PAK1: variants seen among roughly 807,000 people sequenced by gnomAD.
The protein encoded by PAK1 is p21 (RAC1) activated kinase 1, also known as serine/threonine-protein kinase PAK 1.
Under a neutral mutation model 67.4 loss-of-function variants are expected in PAK1, and 29 were observed. The observed-to-expected ratio is 0.43, with a 90% CI of 0.32 to 0.59. The LOEUF is 0.59. PAK1 is among the 20% of genes least tolerant of loss of function. PAK1 has a pLI of 0.07. For synonymous variants in PAK1, 223 were observed against 237.4 expected (o/e 0.94, Z 0.56); for missense variants, 337 against 670.7 (o/e 0.50, Z 5.50).
rs551587045 is a variant in PAK1, at chr11:77,387,702, T to C, written c.190+4629A>G. Among the ~76,000 whole-genome samples the C allele has an allele frequency of 5.3e-5, 8 of 152,332 alleles. No homozygotes were observed. The East Asian group carries it at 7.7e-4, about 15-fold the overall frequency. On this transcript the variant is annotated intron_variant, in intron 2 of 14. Transcript: ENST00000356341. ...TCAAATGACAAAAGCCTACTAATGA[T>C]ATAGGATGAATGGGAAGTGAGGATA...
At chr11:77,323,652 G>T (rs1938923689) in intron 14 of PAK1, among the ~76,000 whole-genome samples, 1 of 152,136 alleles carries the variant, frequency 6.6e-6, no homozygotes, top group African/African-American at 2.4e-5. Context: ...GTTCATAAAA[G>T]ATTTGCTTAT....
At chr11:77,420,066 A>C (rs1299223927) in intron 1 of PAK1, among the ~76,000 whole-genome samples, 2 of 152,232 alleles carry the variant, frequency 1.3e-5, no homozygotes, top group African/African-American at 4.8e-5. Context: ...ATTTCAAAAA[A>C]GGCAAAGAAG....
intron 1 of PAK1, among the ~76,000 whole-genome samples, chr11:77,437,984 C>T (rs1325813885): frequency 6.6e-6 from 1 of 152,122 alleles, no homozygotes; most frequent in African/African-American, 2.4e-5. Flanking sequence ...GTCTCAGGTA[C>T]CTCACAAGCA....
the PAK1 span, among the ~76,000 whole-genome samples, chr11:77,485,255 C>A: frequency 6.6e-6 from 1 of 152,070 alleles, no homozygotes; most frequent in Non-Finnish European, 1.5e-5. Context: ...GTATTTGATA[C>A]CACAACAGGG....
chr11:77,330,102 G>A (rs941518502), intron 14 of PAK1, among the ~76,000 whole-genome samples: 1 of 152,096 alleles, frequency 6.6e-6, no homozygotes, highest in Non-Finnish European at 1.5e-5. Flanking sequence ...TCTTCAAGGA[G>A]AACTACAAAC....
chr11:77,480,315 A>T, the PAK1 span, among the ~76,000 whole-genome samples: 1 of 152,028 alleles, frequency 6.6e-6, no homozygotes, highest in African/African-American at 2.4e-5. Flanking sequence ...TACTTTAATG[A>T]GTATAAAGTA....
intron 14 of PAK1, among the ~76,000 whole-genome samples, chr11:77,331,796 A>G (rs1941595545): frequency 6.7e-6 from 1 of 148,444 alleles, no homozygotes; most frequent in Non-Finnish European, 1.5e-5. Context: ...TAATAATAAA[A>G]TGTAAAAAAA....
intron 1 of PAK1, among the ~76,000 whole-genome samples, chr11:77,447,073 A>C (rs1272991754): frequency 6.6e-6 from 1 of 152,228 alleles, no homozygotes; most frequent in African/African-American, 2.4e-5. Flanking sequence ...AAAACCACAC[A>C]GAGATAAGAA....
chr11:77,364,351 G>T (rs1565619263), intron 5 of PAK1, among the ~76,000 whole-genome samples: 1 of 152,202 alleles, frequency 6.6e-6, no homozygotes, highest in Non-Finnish European at 1.5e-5. Flanking sequence ...AGCACCATCT[G>T]TGTCAAATCA....
the PAK1 span, among the ~76,000 whole-genome samples, chr11:77,484,466 A>G: frequency 0.25 from 38,354 of 152,200 alleles, 5,891 homozygotes; most frequent in South Asian, 0.4. Context: ...CCTCTACTAC[A>G]GAGACTGGAA....
intron 1 of PAK1, among the ~76,000 whole-genome samples, chr11:77,410,781 G>A (rs572961876): frequency 1.3e-5 from 2 of 152,084 alleles, no homozygotes; most frequent in Admixed American, 6.5e-5. Flanking sequence ...AAACTAGGGG[G>A]AGGAAAGAGG....
intron 1 of PAK1, among the ~76,000 whole-genome samples, chr11:77,392,890 T>A (rs190064064): frequency 4.3e-4 from 65 of 152,332 alleles, no homozygotes; most frequent in Non-Finnish European, 5.9e-5. Flanking sequence ...TTCTTCAACC[T>A]CTTAGGTTTC....
At chr11:77,411,200 G>GGGGA (rs1954468583) in intron 1 of PAK1, among the ~76,000 whole-genome samples, 1 of 151,838 alleles carries the variant, frequency 6.6e-6, no homozygotes, top group Admixed American at 6.6e-5. Context: ...CAGTGTTGAG[G>GGGGA]GGGACATCTC....
In PAK1 at chr11:77,332,814, C is replaced by T. The variant is rs1591695541; in HGVS notation, c.1467G>A (p.Lys489=). The change falls in exon 14 of 15, where the codon AAG becomes AAA. Residue 489 remains lysine, a synonymous_variant. Coordinates refer to ENST00000356341, the MANE Select transcript of PAK1 (RefSeq NM_002576.5). The stretch of plus-strand genomic sequence containing the variant: ...GAAAGTCCCGGAAGATAGCTGACAG[C>T]TTCTCTGGGTTCTGAAGTTCTGGGG... The part of the protein sequence containing the change: ...NGTPELQNPE[K]LSAIFRDFLN... 1 of 1,613,380 alleles carries T rather than the reference C, an allele frequency of 6.2e-7. No homozygotes were observed. The highest frequency in any genetic ancestry group is 8.5e-7 in the Non-Finnish European group (1 of 1,179,344).
At chr11:77,438,899 A>C (rs755698221) in intron 1 of PAK1, among the ~76,000 whole-genome samples, 1 of 152,224 alleles carries the variant, frequency 6.6e-6, no homozygotes, top group Non-Finnish European at 1.5e-5. Context: ...TTTAATAAAA[A>C]CCACTCACCC....
the PAK1 span, among the ~76,000 whole-genome samples, chr11:77,513,717 G>A: frequency 5.6e-5 from 8 of 142,240 alleles, no homozygotes; most frequent in East Asian, 1.3e-3. Context: ...CTGAAAGACC[G>A]AGAAGAGACT....
At chr11:77,342,989 T>C (rs1943857381) in intron 10 of PAK1, among the ~76,000 whole-genome samples, 3 of 152,124 alleles carry the variant, frequency 2.0e-5, no homozygotes, top group African/African-American at 4.8e-5. Flanking sequence ...TTTGCTGTTT[T>C]ATGGCTTACT....
At chr11:77,488,405 C>T in the PAK1 span, among the ~76,000 whole-genome samples, 1 of 152,178 alleles carries the variant, frequency 6.6e-6, no homozygotes, top group African/African-American at 2.4e-5. Flanking sequence ...CCACAAGCAT[C>T]AAGACCATCT....
chr11:77,372,692 C>A (rs1948599842), intron 5 of PAK1, among the ~76,000 whole-genome samples: 1 of 152,170 alleles, frequency 6.6e-6, no homozygotes, highest in Non-Finnish European at 1.5e-5. Flanking sequence ...TCCTCATCAC[C>A]CACCTCTACT....
Sources: allele counts gnomAD v4.1 joint callset (sites outside exome capture counted in the v4.1 genomes callset), GRCh38; gene constraint gnomAD v4.1.1; transcripts MANE v1.5; gene names NCBI Gene and HGNC (gene_info 2026-07-23, HGNC 2026-07-21).